Variants in SEMA3A observed in about 807,000 individuals in gnomAD.
SEMA3A encodes the protein semaphorin-3A.
Under a neutral mutation model 97.9 loss-of-function variants are expected in SEMA3A, and 29 were observed. The observed-to-expected ratio is 0.30, with a 90% CI of 0.22 to 0.40. The LOEUF is 0.40. Ranked by LOEUF, SEMA3A falls within the 10% of genes least tolerant of loss-of-function variation. The probability of loss-of-function intolerance (pLI) is 1.00; values close to 1 mark genes in which losing one functional copy is unlikely to be tolerated. For missense variants in SEMA3A, 763 were observed against 951.3 expected, an observed-to-expected ratio of 0.80 and a Z score of 2.60; for synonymous variants, 321 against 323.7, an observed-to-expected ratio of 0.99 and a Z score of 0.09.
chr7:84,108,375 T>C (rs912061852), intron 4 of SEMA3A, among the ~76,000 whole-genome samples: 2 of 150,474 alleles, frequency 1.3e-5, no homozygotes, highest in African/African-American at 4.9e-5. Flanking sequence ...AGGCAATGGG[T>C]CATACTGTGC....
chr7:84,012,231 C>T lies in SEMA3A; in HGVS notation c.811-934G>A, dbSNP rs965066513. ...GAAAAGAGTAGATTTTAAGTCTTCT[C>T]GCCACGAAGAATTATAAGTATGTGA... is the stretch of plus-strand genomic sequence containing the variant. On this transcript the variant is annotated intron_variant, in intron 7 of 16. Coordinates refer to ENST00000265362, the MANE Select transcript of SEMA3A (RefSeq NM_006080.3). 2.6e-5 allele frequency among the ~76,000 whole-genome samples: 4 copies of T among 152,184 alleles called. No individual in the cohort carries two copies. In the South Asian group the frequency reaches 6.2e-4, roughly 24 times the overall value.
intron 1 of SEMA3A, among the ~76,000 whole-genome samples, chr7:84,425,373 T>G (rs1804777216): frequency 7.6e-6 from 1 of 131,142 alleles, no homozygotes. Flanking sequence ...TATATTAATA[T>G]ATAAATATAT....
chr7:84,400,964 A>C (rs1341233679), intron 1 of SEMA3A, among the ~76,000 whole-genome samples: 1 of 152,182 alleles, frequency 6.6e-6, no homozygotes, highest in African/African-American at 2.4e-5. Flanking sequence ...CTGGAACAAG[A>C]AAAGGTTTCC....
chr7:84,289,283 G>T (rs1410362816), intron 3 of SEMA3A, among the ~76,000 whole-genome samples: 2 of 151,970 alleles, frequency 1.3e-5, no homozygotes, highest in Non-Finnish European at 2.9e-5. Flanking sequence ...AGGAGCAATA[G>T]GTTCTTGTGT....
upstream of SEMA3A, among the ~76,000 whole-genome samples, chr7:84,196,353 T>TTCTCTCTCTCTCTCTCTCTCTC (rs60887913): frequency 5.4e-5 from 8 of 149,148 alleles, no homozygotes; most frequent in African/African-American, 2.0e-4. Flanking sequence ...TCGCTCTGCT[T>TTCTCTCTCTCTCTCTCTCTCTC]TCTCTCTCTC....
intron 1 of SEMA3A, among the ~76,000 whole-genome samples, chr7:84,403,127 CA>C (rs1034111468): frequency 6.6e-6 from 1 of 152,086 alleles, no homozygotes; most frequent in African/African-American, 2.4e-5. Flanking sequence ...CATGAGGGAT[CA>C]GGGAATTCCC....
chr7:84,483,384 T>C (rs1036071701), intron 1 of SEMA3A, among the ~76,000 whole-genome samples: 1 of 152,164 alleles, frequency 6.6e-6, no homozygotes, highest in African/African-American at 2.4e-5. Context: ...GTAACCCTAA[T>C]GTTGGGTATC....
rs562919545 is a variant in SEMA3A at position 84,366,455 on chromosome 7, T to C, written c.-169+5369A>G. Among the ~76,000 whole-genome samples, 10 of 151,460 alleles carry C rather than the reference T, an allele frequency of 6.6e-5. 1 individual carries two copies. The South Asian group carries it at 1.9e-3, about 28-fold the overall frequency. On this transcript the variant is annotated intron_variant, in intron 2 of 3. Coordinates refer to the SEMA3A transcript ENST00000424555. ...TTATAAATGATGATGACATGATCAG[T>C]ATTCATTTACTAAAACAGTAAATTA...
chr7:84,332,674 T>TACAC (rs3048014), intron 2 of SEMA3A, among the ~76,000 whole-genome samples: 98 of 150,034 alleles, frequency 6.5e-4, no homozygotes, highest in Middle Eastern at 7.0e-3. Flanking sequence ...TGTGTGTGTA[T>TACAC]ACACACACAC....
intron 6 of SEMA3A, among the ~76,000 whole-genome samples, chr7:84,017,546 C>T (rs1050869910): frequency 6.6e-6 from 1 of 152,172 alleles, no homozygotes; most frequent in Non-Finnish European, 1.5e-5. Context: ...GGTTATATCT[C>T]AGACTTGAAA....
At chr7:84,400,492 A>C (rs536983929) in intron 1 of SEMA3A, among the ~76,000 whole-genome samples, 2 of 152,312 alleles carry the variant, frequency 1.3e-5, no homozygotes, top group South Asian at 2.1e-4. Context: ...ATAATGAACA[A>C]AACTGAAAAA....
intron 4 of SEMA3A, among the ~76,000 whole-genome samples, chr7:84,094,521 C>T (rs902942015): frequency 2.6e-5 from 4 of 152,032 alleles, no homozygotes; most frequent in African/African-American, 9.7e-5. Context: ...ATGCATATAA[C>T]GATGGGTGTT....
chr7:83,985,870 A>G (rs1789613266), intron 12 of SEMA3A, among the ~76,000 whole-genome samples: 1 of 152,216 alleles, frequency 6.6e-6, no homozygotes, highest in Non-Finnish European at 1.5e-5. Context: ...GTGGTCAAAA[A>G]GCAGGGGTAA....
chr7:84,478,928 C>G (rs1298535939), intron 1 of SEMA3A, among the ~76,000 whole-genome samples: 1 of 151,868 alleles, frequency 6.6e-6, no homozygotes, highest in Non-Finnish European at 1.5e-5. Context: ...GATTATCAAC[C>G]TTATATAAAA....
intron 2 of SEMA3A, among the ~76,000 whole-genome samples, chr7:84,310,713 A>G (rs1801292179): frequency 6.6e-6 from 1 of 152,126 alleles, no homozygotes; most frequent in African/African-American, 2.4e-5. Flanking sequence ...ACTAGCAGTT[A>G]GAACTGCAAC....
In SEMA3A at chr7:84,374,160, C is replaced by T. The variant is rs139676391; in HGVS notation, c.-245-2260G>A. On this transcript the variant is annotated intron_variant, in intron 1 of 3. Transcript: ENST00000424555. Reference sequence around the variant, plus strand: ...ATGCAAACTTTAAGACACTGCATGTCAATGAGAACAAAAGTTGGTAATTGA... The same window carrying T: ...ATGCAAACTTTAAGACACTGCATGTTAATGAGAACAAAAGTTGGTAATTGA... Among the ~76,000 whole-genome samples the T allele has an allele frequency of 2.7e-3, 411 of 152,158 alleles. 1 individual carries two copies. Among genetic ancestry groups the T allele is most frequent in the African/African-American group, 9.5e-3 (394 of 41,494 alleles).
chr7:84,185,779 T>C (rs1311465661), intron 1 of SEMA3A, among the ~76,000 whole-genome samples: 1 of 151,814 alleles, frequency 6.6e-6, no homozygotes, highest in Non-Finnish European at 1.5e-5. Flanking sequence ...TTTTATGTTA[T>C]AGTTTTAAAA....
rs562955414 is a variant in SEMA3A at position 84,204,068 on chromosome 7, G to A, written c.-82-9400C>T. 1.5e-4 allele frequency among the ~76,000 whole-genome samples: 23 copies of A among 152,004 alleles called. No individual in the cohort carries two copies. In the South Asian group the frequency reaches 1.9e-3, roughly 12 times the overall value. On this transcript the variant is annotated intron_variant, in intron 3 of 3. Transcript: ENST00000424555. Reference sequence around the variant, plus strand: ...ACTCCTCTTCAGATTTACTATAGCCGGCGGACTATCACAGTATGTTACTCA... The same window carrying A: ...ACTCCTCTTCAGATTTACTATAGCCAGCGGACTATCACAGTATGTTACTCA...
intron 3 of SEMA3A, among the ~76,000 whole-genome samples, chr7:84,126,806 A>G (rs1795813060): frequency 6.6e-6 from 1 of 152,160 alleles, no homozygotes; most frequent in African/African-American, 2.4e-5. Flanking sequence ...TCACAGTGAT[A>G]TATGTGTTGT....
Sources: allele counts gnomAD v4.1 joint callset (sites outside exome capture counted in the v4.1 genomes callset), GRCh38; gene constraint gnomAD v4.1.1; transcripts MANE v1.5; gene names NCBI Gene and HGNC (gene_info 2026-07-23, HGNC 2026-07-21).